Variants in TUSC3 observed in about 807,000 individuals in gnomAD.
The protein encoded by TUSC3 is tumor suppressor candidate 3.
In TUSC3, 45 loss-of-function variants were observed where a neutral mutation model predicts 44.8. The observed-to-expected ratio is 1.00, with a 90% CI of 0.79 to 1.29. The LOEUF (loss-of-function observed/expected upper bound fraction) is 1.29. Among genes scored for constraint, TUSC3 ranks in the 50% most tolerant of loss-of-function variants. TUSC3 has a pLI of 0.00. For synonymous variants in TUSC3, 212 were observed against 152.9 expected (o/e 1.39, Z -2.85); for missense variants, 519 against 437.9 (o/e 1.19, Z -1.65).
chr8:15,496,484 C>T (rs1364144338), intron 2 of TUSC3, among the ~76,000 whole-genome samples: 1 of 152,202 alleles, frequency 6.6e-6, no homozygotes, highest in Non-Finnish European at 1.5e-5. Context: ...CTTGATCAAA[C>T]ACCCTCTGAG....
chr8:15,807,944 G>C, the TUSC3 span, among the ~76,000 whole-genome samples: 3 of 152,144 alleles, frequency 2.0e-5, no homozygotes, highest in Non-Finnish European at 4.4e-5. Context: ...CAGAGCATTT[G>C]CATCCCCAAC....
intron 7 of TUSC3, 60 bp downstream of exon 7, chr8:15,730,789 T>C: frequency 6.5e-7 from 1 of 1,542,650 alleles, no homozygotes; most frequent in Non-Finnish European, 8.9e-7. Flanking sequence ...TGTTTTTAAA[T>C]TGACATTTTT....
At chr8:15,426,638 C>G (rs1368191721) in intron 1 of TUSC3, among the ~76,000 whole-genome samples, 1 of 152,166 alleles carries the variant, frequency 6.6e-6, no homozygotes, top group African/African-American at 2.4e-5. Flanking sequence ...ATTCTTCTGT[C>G]AATGGACACT....
the TUSC3 span, among the ~76,000 whole-genome samples, chr8:15,839,792 G>T: frequency 6.6e-6 from 1 of 152,156 alleles, no homozygotes; most frequent in Non-Finnish European, 1.5e-5. Flanking sequence ...ATGTAAACTA[G>T]TTCAACCATT....
intron 6 of TUSC3, among the ~76,000 whole-genome samples, chr8:15,681,185 T>C (rs1271334683): frequency 6.7e-6 from 1 of 148,464 alleles, no homozygotes; most frequent in Non-Finnish European, 1.5e-5. Context: ...TTCTTTATTA[T>C]CCATCTTGAA....
chr8:15,425,611 G>T (rs1438187383), intron 1 of TUSC3, among the ~76,000 whole-genome samples: 1 of 152,344 alleles, frequency 6.6e-6, no homozygotes, highest in East Asian at 1.9e-4. Flanking sequence ...TCAAAGTGTG[G>T]CCGAGTCTGA....
At chr8:15,567,358 A>T (rs11787043) in intron 1 of TUSC3, among the ~76,000 whole-genome samples, 35,377 of 152,114 alleles carry the variant, frequency 0.23, 4,499 homozygotes, top group Non-Finnish European at 0.29. Context: ...ACAGTAGTTT[A>T]AAACGTTTTC....
At chr8:15,482,588 A>G (rs1800676998) in intron 1 of TUSC3, among the ~76,000 whole-genome samples, 1 of 152,226 alleles carries the variant, frequency 6.6e-6, no homozygotes, top group South Asian at 2.1e-4. Flanking sequence ...AAGATGTATA[A>G]GAAGATTAAT....
At chr8:15,657,125 C>T (rs1351844108) in intron 3 of TUSC3, among the ~76,000 whole-genome samples, 1 of 152,182 alleles carries the variant, frequency 6.6e-6, no homozygotes, top group African/African-American at 2.4e-5. Flanking sequence ...TAATACCTGG[C>T]TTCCTTTCCA....
chr8:15,610,824 C>G (rs1238620639), intron 1 of TUSC3, among the ~76,000 whole-genome samples: 2 of 152,130 alleles, frequency 1.3e-5, no homozygotes, highest in African/African-American at 2.4e-5. Flanking sequence ...CACCAGTGTT[C>G]AGGATGCTCT....
At chr8:15,481,161 C>A (rs538635027) in intron 1 of TUSC3, among the ~76,000 whole-genome samples, 4 of 149,186 alleles carry the variant, frequency 2.7e-5, no homozygotes, top group African/African-American at 5.0e-5. Flanking sequence ...GGCAGGAGAA[C>A]TGCTTGAACC....
chr8:15,491,070 G>A (rs1235723347), intron 2 of TUSC3, among the ~76,000 whole-genome samples: 3 of 152,184 alleles, frequency 2.0e-5, no homozygotes, highest in Non-Finnish European at 2.9e-5. Flanking sequence ...ATATGAGAAG[G>A]GGGTAGAGGA....
At chr8:15,524,019 G>A (rs1318274123) in intron 2 of TUSC3, among the ~76,000 whole-genome samples, 1 of 146,942 alleles carries the variant, frequency 6.8e-6, no homozygotes, top group Non-Finnish European at 1.5e-5. Flanking sequence ...TTGCGCCACT[G>A]CACTCCAGCT....
In TUSC3 at chr8:15,764,182, ATAAT is replaced by A. The variant is rs745931387; in HGVS notation, c.*47-19_*47-16del. 2 of 1,595,042 alleles carry A rather than the reference ATAAT, an allele frequency of 1.3e-6. No individual in the cohort carries two copies. Among genetic ancestry groups the A allele is most frequent in the Admixed American group, 3.4e-5 (2 of 59,600 alleles). ...CCTTATGTTCTATGTTCAGCACATA[ATAAT>A]TTTCTTTCTTTTTCAGCTTTTTAAT... On this transcript the variant is annotated splice_polypyrimidine_tract_variant and intron_variant, in intron 10 of 10. Transcript: ENST00000503731.
intron 6 of TUSC3, among the ~76,000 whole-genome samples, chr8:15,714,500 G>A (rs1376291426): frequency 6.6e-6 from 1 of 152,112 alleles, no homozygotes; most frequent in African/African-American, 2.4e-5. Context: ...GTAACTGCTG[G>A]AAGTGGTTAT....
At chr8:15,817,915 G>A in the TUSC3 span, among the ~76,000 whole-genome samples, 1 of 152,122 alleles carries the variant, frequency 6.6e-6, no homozygotes, top group Non-Finnish European at 1.5e-5. Context: ...AAATCCCACA[G>A]ACTTCAATGA....
chr8:15,833,739 C>G, the TUSC3 span, among the ~76,000 whole-genome samples: 1 of 151,850 alleles, frequency 6.6e-6, no homozygotes, highest in East Asian at 1.9e-4. Context: ...CTAATGGGTA[C>G]TAGGCTTAAT....
chr8:15,436,521 C>A (rs28488456), intron 1 of TUSC3, among the ~76,000 whole-genome samples: 24,680 of 151,932 alleles, frequency 0.16, 2,078 homozygotes, highest in Middle Eastern at 0.23. Flanking sequence ...CATTTTATGC[C>A]GAAGAAATAG....
intron 2 of TUSC3, among the ~76,000 whole-genome samples, chr8:15,531,224 G>A (rs1801444495): frequency 6.6e-6 from 1 of 152,114 alleles, no homozygotes; most frequent in Non-Finnish European, 1.5e-5. Context: ...GCCTCTCCCA[G>A]GTGTACTTTC....
Sources: gnomAD v4.1 joint callset for allele counts (sites outside exome capture counted in the v4.1 genomes callset) on GRCh38, gnomAD v4.1.1 for gene constraint, MANE v1.5 for transcripts, NCBI Gene and HGNC (gene_info 2026-07-23, HGNC 2026-07-21) for gene names.